The following ARHGEF10L variants were observed in gnomAD, a reference collection of about 807,000 sequenced individuals.
ARHGEF10L encodes the protein rho guanine nucleotide exchange factor 10-like protein.
A neutral mutation model predicts 141.2 loss-of-function variants in ARHGEF10L; 69 were observed. That is an observed-to-expected ratio of 0.49 (90% confidence interval 0.40 to 0.60). ARHGEF10L has a LOEUF of 0.60. ARHGEF10L is among the 20% of genes least tolerant of loss of function. ARHGEF10L has a pLI of 0.00. For missense variants in ARHGEF10L, 1,482 were observed against 1,734.3 expected, an observed-to-expected ratio of 0.85 and a Z score of 2.58; for synonymous variants, 711 against 718.5, an observed-to-expected ratio of 0.99 and a Z score of 0.17.
chr1:17,599,267 T>C (rs921689106), intron 4 of ARHGEF10L, among the ~76,000 whole-genome samples: 2 of 148,258 alleles, frequency 1.3e-5, no homozygotes, highest in African/African-American at 5.0e-5. Context: ...ATCCAGGAGG[T>C]AGAGGTTGCA....
chr1:17,689,803 T>G (rs2064959593), intron 27 of ARHGEF10L: 1 of 455,826 alleles, frequency 2.2e-6, no homozygotes, highest in Admixed American at 2.4e-5. Flanking sequence ...TAAAAATCTT[T>G]GGAATCTCGT....
intron 4 of ARHGEF10L, among the ~76,000 whole-genome samples, chr1:17,600,314 G>T (rs926969371): frequency 1.3e-5 from 2 of 152,240 alleles, no homozygotes; most frequent in Non-Finnish European, 2.9e-5. Flanking sequence ...AGGAAGGGAA[G>T]TTCAAGTTGA....
At position 17,656,109 on chromosome 1, in the gene ARHGEF10L, G is replaced by A. The variant is rs761772398; in HGVS notation, c.2705+7G>A. 24 of 1,549,982 alleles carry A rather than the reference G, an allele frequency of 1.5e-5. No homozygotes were observed. Among genetic ancestry groups the A allele is most frequent in the Non-Finnish European group, 2.0e-5 (23 of 1,147,314 alleles). On this transcript the variant is annotated splice_region_variant and intron_variant, in intron 24 of 28. Coordinates refer to ENST00000361221, the MANE Select transcript of ARHGEF10L (RefSeq NM_018125.4). This position sits in a 1 kb window ranked among gnomAD's most constrained non-coding sequence, Gnocchi z 4.9. ...TCGGGCTCCAGGATGGCAGGTGAGGGGCCCGGAAGGAGGGGTGAGAGCAGC... is the reference window on the plus strand; with the variant it reads ...TCGGGCTCCAGGATGGCAGGTGAGGAGCCCGGAAGGAGGGGTGAGAGCAGC...
At chr1:17,600,452 T>G (rs988669687) in intron 4 of ARHGEF10L, among the ~76,000 whole-genome samples, 5 of 152,176 alleles carry the variant, frequency 3.3e-5, no homozygotes, top group African/African-American at 1.2e-4. Context: ...TTAGAATAGC[T>G]TTAGATTTTC....
At chr1:17,554,571 TTTCC>T (rs2077233177) in intron 1 of ARHGEF10L, among the ~76,000 whole-genome samples, 1 of 149,464 alleles carries the variant, frequency 6.7e-6, no homozygotes. Context: ...CCCTCCCTCC[TTTCC>T]TTCCTTCCTT....
At chr1:17,682,373 C>CGT (rs2064192487) in intron 26 of ARHGEF10L, among the ~76,000 whole-genome samples, 2 of 152,172 alleles carry the variant, frequency 1.3e-5, no homozygotes, top group African/African-American at 4.8e-5. Context: ...ATCTCAGTCC[C>CGT]ACCACATAGG....
At chr1:17,681,399 C>T (rs1030960002) in intron 26 of ARHGEF10L, among the ~76,000 whole-genome samples, 18 of 152,214 alleles carry the variant, frequency 1.2e-4, no homozygotes, top group Admixed American at 2.6e-4. Flanking sequence ...CAGAGCTACT[C>T]CCCCAAATGC....
chr1:17,649,899 G>A (rs1378952282), intron 22 of ARHGEF10L, among the ~76,000 whole-genome samples: 1 of 152,174 alleles, frequency 6.6e-6, no homozygotes, highest in Non-Finnish European at 1.5e-5. Flanking sequence ...GGGAAGCCAG[G>A]CGAGGCAGGA....
At chr1:17,555,095 C>T (rs921278749) in intron 1 of ARHGEF10L, among the ~76,000 whole-genome samples, 3 of 152,322 alleles carry the variant, frequency 2.0e-5, no homozygotes, top group African/African-American at 2.4e-5. Flanking sequence ...GGGCAAGGCA[C>T]GTTACTCCTC....
Position 17,697,200 on chromosome 1 carries a change from G to C in ARHGEF10L, c.3660G>C (p.Trp1220Cys), listed in dbSNP as rs1253958581. 6.2e-7 allele frequency: 1 copy of C among 1,612,054 alleles called. No individual in the cohort carries two copies. ...IYEMADDPDI[W>C]VRSRPCARDA... ...AGATGGCCGACGACCCCGACATCTG[G>C]GTGCGCAGCCGGCCCTGCGCCCGCG... Residue 1220 changes from tryptophan to cysteine, a missense_variant, in exon 29 of 29, where the codon TGG becomes TGC. By Grantham distance (215) the Trp-to-Cys change is radical. Around this residue, in one of 3 missense-constraint regions of ARHGEF10L, gnomAD observed 858 missense variants for 966.3 expected, o/e 0.89. Coordinates refer to ENST00000361221, the MANE Select transcript of ARHGEF10L (RefSeq NM_018125.4). The surrounding 1 kb of genome is among the most constrained non-coding windows in gnomAD (Gnocchi z 4.8).
At chr1:17,593,425 G>T (rs930585981) in intron 4 of ARHGEF10L, among the ~76,000 whole-genome samples, 1 of 152,168 alleles carries the variant, frequency 6.6e-6, no homozygotes, top group African/African-American at 2.4e-5. Context: ...TAAGTGAGGG[G>T]TTTTGAGATG....
chr1:17,532,248 C>T, the ARHGEF10L span, among the ~76,000 whole-genome samples: 1 of 152,166 alleles, frequency 6.6e-6, no homozygotes, highest in African/African-American at 2.4e-5. Flanking sequence ...TGTCAGCTGA[C>T]CAGCAACTCT....
At chr1:17,604,243 T>C (rs1183713141) in intron 6 of ARHGEF10L, among the ~76,000 whole-genome samples, 2 of 151,824 alleles carry the variant, frequency 1.3e-5, no homozygotes, top group Admixed American at 1.3e-4. Context: ...TGAATGTGGG[T>C]CATTCTGACC....
At chr1:17,677,270 A>G (rs2063782307) in intron 26 of ARHGEF10L, among the ~76,000 whole-genome samples, 1 of 151,994 alleles carries the variant, frequency 6.6e-6, no homozygotes, top group South Asian at 2.1e-4. Context: ...ATCCAGAGAA[A>G]CAACCCTGAC....
At chr1:17,647,287 T>C (rs992084505) in intron 21 of ARHGEF10L, among the ~76,000 whole-genome samples, 1 of 152,184 alleles carries the variant, frequency 6.6e-6, no homozygotes, top group Non-Finnish European at 1.5e-5. Context: ...TGAGTGCCAG[T>C]GTCATCCTCT....
the ARHGEF10L span, among the ~76,000 whole-genome samples, chr1:17,527,416 T>C: frequency 1.3e-5 from 2 of 152,188 alleles, no homozygotes; most frequent in African/African-American, 2.4e-5. Flanking sequence ...TGGGTTGGGA[T>C]TGACTCCGAC....
At chr1:17,693,819 A>G (rs926012826) in intron 27 of ARHGEF10L, among the ~76,000 whole-genome samples, 6 of 152,222 alleles carry the variant, frequency 3.9e-5, no homozygotes, top group African/African-American at 1.4e-4. Flanking sequence ...TCTGGAATGC[A>G]GCCTAAGCCT....
chr1:17,584,125 G>A (rs2078824030), intron 2 of ARHGEF10L, among the ~76,000 whole-genome samples: 1 of 152,106 alleles, frequency 6.6e-6, no homozygotes, highest in African/African-American at 2.4e-5. Context: ...GCTCAGTGCA[G>A]CCTTGAACTC....
rs2078072751 is a variant in ARHGEF10L at position 17,573,106 on chromosome 1, C to G, written c.-43-7447C>G. ...GTTGCAGGGACGCACATGGACCTCC[C>G]TTTCCCTGCCTGCCTCATCCTCCTG... On this transcript the variant is annotated intron_variant, in intron 1 of 28. Coordinates refer to ENST00000361221, the MANE Select transcript of ARHGEF10L (RefSeq NM_018125.4). The surrounding 1 kb of genome is among the most constrained non-coding windows in gnomAD (Gnocchi z 4.8). Among the ~76,000 whole-genome samples, 1 of 152,182 alleles carries G rather than the reference C, an allele frequency of 6.6e-6. No individual in the cohort carries two copies. Among genetic ancestry groups the G allele is most frequent in the African/African-American group, 2.4e-5 (1 of 41,420 alleles).
Sources: allele counts gnomAD v4.1 joint callset (sites outside exome capture counted in the v4.1 genomes callset), GRCh38; gene constraint gnomAD v4.1.1; regional missense constraint gnomAD v4.1.1; non-coding constraint Gnocchi (gnomAD v3.1); transcripts MANE v1.5; gene names NCBI Gene and HGNC (gene_info 2026-07-23, HGNC 2026-07-21).